Variants in GATAD1 observed in about 807,000 individuals in gnomAD.
The protein encoded by GATAD1 is GATA zinc finger domain-containing protein 1.
A neutral mutation model predicts 26.5 loss-of-function variants in GATAD1; 12 were observed. That is an observed-to-expected ratio of 0.45 (90% confidence interval 0.29 to 0.73). GATAD1 has a LOEUF of 0.73. Among genes scored for constraint, GATAD1 ranks in the 30% least tolerant of loss-of-function variants. The probability of loss-of-function intolerance (pLI) is 0.10; values close to 1 mark genes in which losing one functional copy is unlikely to be tolerated. For missense variants in GATAD1, 266 were observed against 342.1 expected (o/e 0.78, Z 1.75); for synonymous variants, 129 against 133.1 (o/e 0.97, Z 0.21).
chr7:92,489,438 G>T, the GATAD1 span: 1 of 1,608,816 alleles, frequency 6.2e-7, no homozygotes, highest in South Asian at 1.1e-5. Flanking sequence ...AGTAAAAAAA[G>T]AAATTGACGA....
the GATAD1 span, chr7:92,465,137 A>G: frequency 6.6e-6 from 1 of 152,228 alleles, no homozygotes; most frequent in Non-Finnish European, 1.5e-5. Flanking sequence ...TTAAGAAAAT[A>G]CCATGGAAAT....
At chr7:92,469,489 G>T in the GATAD1 span, 1 of 768,728 alleles carries the variant, frequency 1.3e-6, no homozygotes, top group Non-Finnish European at 2.4e-6. Flanking sequence ...AGTGTAGATG[G>T]TCATAGGGGG....
chr7:92,449,254 T>C, intron 2 of GATAD1: 1 of 812,780 alleles, frequency 1.2e-6, no homozygotes, highest in Non-Finnish European at 1.5e-6. Flanking sequence ...TTTAAAAATC[T>C]AAGTAAATAT....
At chr7:92,492,974 C>T in the GATAD1 span, 1 of 1,613,824 alleles carries the variant, frequency 6.2e-7, no homozygotes, top group Non-Finnish European at 8.5e-7. Context: ...TCGAGAGCAG[C>T]ATTCCATGTA....
the GATAD1 span, among the ~76,000 whole-genome samples, chr7:92,476,102 G>A: frequency 9.6e-4 from 146 of 152,272 alleles, no homozygotes; most frequent in Non-Finnish European, 1.6e-3. Context: ...AGGTCTGGTC[G>A]GACCTTTGTA....
the GATAD1 span, chr7:92,493,790 T>A: frequency 2.3e-5 from 4 of 173,394 alleles, no homozygotes; most frequent in Admixed American, 2.2e-4. Context: ...GTAACATATA[T>A]ACAGATACTT....
rs143082866 is a variant in GATAD1 at position 92,448,778 on chromosome 7, T to G, written c.276T>G (p.Ser92=). The G allele has an allele frequency of 4.4e-4, 702 of 1,612,064 alleles. 1 individual carries two copies. The highest frequency in any genetic ancestry group is 5.6e-4 in the Non-Finnish European group (658 of 1,178,194). The change falls in exon 2 of 5, where the codon TCT becomes TCG. Residue 92 remains serine (S), a synonymous_variant. Transcript: ENST00000287957. ...GTAAGCAGGAAATTCACAGGAGGTCTGCTCGGCTCAGAAACACTAAATACA... is the reference window on the plus strand; with the variant it reads ...GTAAGCAGGAAATTCACAGGAGGTCGGCTCGGCTCAGAAACACTAAATACA... ...KQSKQEIHRR[S]ARLRNTKYKS...
the GATAD1 span, among the ~76,000 whole-genome samples, chr7:92,480,816 AGT>A: frequency 6.6e-6 from 1 of 152,104 alleles, no homozygotes; most frequent in Admixed American, 6.5e-5. Flanking sequence ...TGGCCCTTGC[AGT>A]GTGTGACTCC....
the GATAD1 span, chr7:92,468,264 C>T: frequency 1.0e-4 from 17 of 166,934 alleles, no homozygotes; most frequent in East Asian, 2.6e-3. Flanking sequence ...ACAGCGGACA[C>T]CCTGCATGAT....
chr7:92,492,590 A>G, the GATAD1 span, among the ~76,000 whole-genome samples: 1 of 152,260 alleles, frequency 6.6e-6, no homozygotes, highest in Non-Finnish European at 1.5e-5. Flanking sequence ...GTGAGCTTCA[A>G]AACAACAACT....
At chr7:92,455,298 C>T (rs1022591587) in intron 4 of GATAD1, among the ~76,000 whole-genome samples, 6 of 151,734 alleles carry the variant, frequency 4.0e-5, no homozygotes, top group Non-Finnish European at 7.4e-5. Context: ...TTGGAGTGAC[C>T]CAGGGTTAAA....
chr7:92,464,337 G>A (rs1484389539), downstream of GATAD1, among the ~76,000 whole-genome samples: 1 of 152,192 alleles, frequency 6.6e-6, no homozygotes, highest in Non-Finnish European at 1.5e-5. Flanking sequence ...GAACTCAGGA[G>A]ACGTGCAATG....
the GATAD1 span, among the ~76,000 whole-genome samples, chr7:92,483,968 G>C: frequency 6.6e-6 from 1 of 152,122 alleles, no homozygotes; most frequent in Non-Finnish European, 1.5e-5. Context: ...GGAACAGACA[G>C]GAGAGAAAGA....
the GATAD1 span, among the ~76,000 whole-genome samples, chr7:92,494,855 A>T: frequency 6.6e-6 from 1 of 151,604 alleles, no homozygotes; most frequent in Non-Finnish European, 1.5e-5. Context: ...CTTTACAACA[A>T]ACCCTTAAAG....
At chr7:92,477,890 T>C in the GATAD1 span, 1 of 152,384 alleles carries the variant, frequency 6.6e-6, no homozygotes, top group Non-Finnish European at 1.5e-5. Flanking sequence ...TTTAATAGAG[T>C]GAAATAGCAT....
chr7:92,488,933 C>T, the GATAD1 span, among the ~76,000 whole-genome samples: 3 of 152,124 alleles, frequency 2.0e-5, no homozygotes, highest in Non-Finnish European at 2.9e-5. Context: ...GGGGTTTCCC[C>T]GTGTTGGTTA....
At chr7:92,453,764 T>G (rs1188959831) in intron 3 of GATAD1, among the ~76,000 whole-genome samples, 1 of 152,192 alleles carries the variant, frequency 6.6e-6, no homozygotes, top group Admixed American at 6.5e-5. Flanking sequence ...TTCAAGACAG[T>G]ACAGAGAAAA....
the GATAD1 span, among the ~76,000 whole-genome samples, chr7:92,478,581 T>C: frequency 5.3e-5 from 8 of 152,162 alleles, no homozygotes; most frequent in East Asian, 5.8e-4. Context: ...ATTGCAGTGG[T>C]CTGACCTGCA....
At chr7:92,482,511 A>C in the GATAD1 span, among the ~76,000 whole-genome samples, 1 of 152,162 alleles carries the variant, frequency 6.6e-6, no homozygotes, top group Non-Finnish European at 1.5e-5. Flanking sequence ...ATCCCTTTAA[A>C]GCCTGTTGTG....
Sources: allele counts gnomAD v4.1 joint callset (sites outside exome capture counted in the v4.1 genomes callset), GRCh38; gene constraint gnomAD v4.1.1; transcripts MANE v1.5; gene names NCBI Gene and HGNC (gene_info 2026-07-23, HGNC 2026-07-21).